The following SYNJ2 variants were observed in gnomAD, a reference collection of about 807,000 sequenced individuals.
SYNJ2 encodes the protein synaptojanin 2, also known as polyphosphatidylinositol phosphatase SYNJ2.
SYNJ2 carries 116 observed loss-of-function variants against 141.3 expected under a neutral mutation model. The ratio of observed to expected loss-of-function variants is 0.82; its 90% CI spans 0.71 to 0.96. The LOEUF is 0.96. Among genes scored for constraint, SYNJ2 ranks in the 40% least tolerant of loss-of-function variants. SYNJ2 has a pLI of 0.00. For missense variants in SYNJ2, 1,873 were observed against 1,934.8 expected (o/e 0.97, Z 0.60); for synonymous variants, 745 against 777.7 (o/e 0.96, Z 0.70).
Position 158,076,626 on chromosome 6 carries a change from A to AT in SYNJ2, c.2298dup (p.Lys767Ter). Reference sequence around the variant, plus strand: ...TGATGACTTCTTTTTCTCCCAATAGATTTTTAAGGACTTTCACGAAGGAGC... The same window carrying AT: ...TGATGACTTCTTTTTCTCCCAATAGATTTTTTAAGGACTTTCACGAAGGAGC... On this transcript the variant is annotated frameshift_variant and splice_region_variant, in exon 17 of 27. Coordinates refer to ENST00000355585, the MANE Select transcript of SYNJ2 (RefSeq NM_003898.4). LOFTEE classifies it high-confidence loss of function. 6.2e-7 allele frequency: 1 copy of AT among 1,611,120 alleles called. No individual in the cohort carries two copies. Among genetic ancestry groups the AT allele is most frequent in the Non-Finnish European group, 8.5e-7 (1 of 1,178,078 alleles).
At chr6:158,092,520 G>C (rs1318026045) in intron 25 of SYNJ2, among the ~76,000 whole-genome samples, 1 of 152,146 alleles carries the variant, frequency 6.6e-6, no homozygotes, top group Non-Finnish European at 1.5e-5. Context: ...CACACCAGTA[G>C]TCCCAGCTAC....
intron 3 of SYNJ2, among the ~76,000 whole-genome samples, chr6:158,032,998 C>T (rs1002769472): frequency 6.6e-6 from 1 of 152,176 alleles, no homozygotes; most frequent in African/African-American, 2.4e-5. Flanking sequence ...TAACTGTTCC[C>T]ATATTTAATA....
intron 4 of SYNJ2, among the ~76,000 whole-genome samples, chr6:158,041,135 T>C (rs1779926529): frequency 1.3e-5 from 2 of 152,120 alleles, no homozygotes; most frequent in Non-Finnish European, 2.9e-5. Context: ...ATGAACTTCA[T>C]GTAGAGAGAG....
Position 157,982,054 on chromosome 6 carries a change from C to T in SYNJ2, c.93C>T (p.Cys31=). The part of the protein sequence containing the change: ...VLLEARGRDD[C]LLFEAGTVAT... ...TGGAGGCGCGCGGCCGCGACGACTG[C>T]CTGCTGTTCGAGGCCGGCACGGTGG... Residue 31 remains cysteine, a synonymous_variant, in exon 1 of 27, where the codon TGC becomes TGT. Transcript: ENST00000355585. The surrounding 1 kb of genome is among the most constrained non-coding windows in gnomAD (Gnocchi z 4.0). 1.5e-6 allele frequency: 2 copies of T among 1,337,580 alleles called. No individual in the cohort carries two copies. Among genetic ancestry groups the T allele is most frequent in the South Asian group, 1.9e-5 (1 of 52,628 alleles). The allele number at this position is 1,337,580 out of a possible 1,614,324, so 82.9% of individuals were successfully genotyped here.
At chr6:158,093,150 A>G (rs1310643348) in intron 26 of SYNJ2, 46 bp downstream of exon 26, 3 of 1,568,492 alleles carry the variant, frequency 1.9e-6, no homozygotes, top group Non-Finnish European at 8.6e-7. Flanking sequence ...AGTTGCTCAC[A>G]TGTCTCGATA....
At chr6:158,022,253 G>C (rs1778816085) in intron 2 of SYNJ2, among the ~76,000 whole-genome samples, 1 of 152,216 alleles carries the variant, frequency 6.6e-6, no homozygotes, top group African/African-American at 2.4e-5. Context: ...AGGATGGCTG[G>C]AGGGACCCCA....
In SYNJ2 at chr6:158,043,287, C is replaced by T; in HGVS notation, c.712-29C>T. Reference sequence around the variant, plus strand: ...GACGTTCGGTTTCATTGAAGAATACCTTTCCCTTTCTGTTTCCTTGTGCCG... The same window carrying T: ...GACGTTCGGTTTCATTGAAGAATACTTTTCCCTTTCTGTTTCCTTGTGCCG... On this transcript the variant is annotated intron_variant, in intron 4 of 26. Coordinates refer to ENST00000355585, the MANE Select transcript of SYNJ2 (RefSeq NM_003898.4). The surrounding 1 kb of genome is among the most constrained non-coding windows in gnomAD (Gnocchi z 4.0). The T allele has an allele frequency of 6.2e-7, 1 of 1,604,364 alleles. No homozygotes were observed. The highest frequency in any genetic ancestry group is 8.5e-7 in the Non-Finnish European group (1 of 1,171,504).
Position 158,031,346 on chromosome 6 carries a change from G to A in SYNJ2, c.486-2109G>A, listed in dbSNP as rs371068210. Among the ~76,000 whole-genome samples, 49 of 152,340 alleles carry A rather than the reference G, an allele frequency of 3.2e-4. No homozygotes were observed. The East Asian group carries it at 4.2e-3, about 13-fold the overall frequency. On this transcript the variant is annotated intron_variant, in intron 3 of 26. Coordinates refer to ENST00000355585, the MANE Select transcript of SYNJ2 (RefSeq NM_003898.4). ...AAGTTCTCTTCCCTATGCCAGCTCT[G>A]TGGCTGGAGGTGTGAGGGGCACTAA...
intron 20 of SYNJ2, among the ~76,000 whole-genome samples, chr6:158,081,788 AT>A (rs1022952201): frequency 2.6e-5 from 4 of 151,680 alleles, no homozygotes; most frequent in Non-Finnish European, 5.9e-5. Context: ...CACCCAGCTA[AT>A]TTTTTTTAAA....
chr6:158,083,717 C>T (rs1782850615), intron 21 of SYNJ2, 120 bp downstream of exon 21: 1 of 1,319,754 alleles, frequency 7.6e-7, no homozygotes, highest in African/African-American at 1.5e-5. Context: ...CAGGGCAAGC[C>T]CTCTGTCCCA....
At position 158,066,654 on chromosome 6, in the gene SYNJ2, G is replaced by A; in HGVS notation, c.1717+19G>A. ...TCCCAGGGTGAGGGCAGTGACTTTG[G>A]GGGAGACAAAATCCAATTGCACCTA... On this transcript the variant is annotated intron_variant, in intron 12 of 26. Transcript: ENST00000355585. 1 of 1,610,938 alleles carries A rather than the reference G, an allele frequency of 6.2e-7. No individual in the cohort carries two copies. The highest frequency in any genetic ancestry group is 8.5e-7 in the Non-Finnish European group (1 of 1,179,388).
chr6:158,094,122 C>T, intron 26 of SYNJ2: 1 of 647,706 alleles, frequency 1.5e-6, no homozygotes, highest in Non-Finnish European at 2.8e-6. Flanking sequence ...CTTGACAGCG[C>T]TTGCTTTGTA....
At chr6:158,077,189 T>TC (rs2128383551) in intron 17 of SYNJ2, among the ~76,000 whole-genome samples, 1 of 152,194 alleles carries the variant, frequency 6.6e-6, no homozygotes, top group African/African-American at 2.4e-5. Context: ...AGACGGGGTT[T>TC]CTCCATGTTG....
chr6:158,078,099 T>A, intron 17 of SYNJ2, 65 bp from the exon 18 acceptor site: 2 of 1,065,234 alleles, frequency 1.9e-6, no homozygotes, highest in Non-Finnish European at 1.4e-6. Context: ...GGAAGTGTCA[T>A]GATCGCATTC....
intron 11 of SYNJ2, 46 bp downstream of exon 11, chr6:158,065,037 C>A: frequency 6.8e-7 from 1 of 1,474,196 alleles, no homozygotes; most frequent in South Asian, 1.4e-5. Flanking sequence ...TAGGGTGCTC[C>A]CCAGCCCCAC....
intron 1 of SYNJ2, among the ~76,000 whole-genome samples, chr6:157,999,229 A>G (rs1583294887): frequency 6.6e-6 from 1 of 152,206 alleles, no homozygotes; most frequent in African/African-American, 2.4e-5. Flanking sequence ...CCATTTGCAC[A>G]TGGTCACTGT....
chr6:158,059,132 C>A, intron 6 of SYNJ2, 125 bp from the exon 7 acceptor site: 2 of 1,012,658 alleles, frequency 2.0e-6, no homozygotes, highest in South Asian at 2.2e-5. Context: ...TGGGGGACAG[C>A]TGGTCCTGGA....
rs778308857 is a variant in SYNJ2, at chr6:158,040,205, T to C, written c.712-3111T>C. ...TTGTATGTGTACAGTGTGTGCGTGG[T>C]ATGTGCATTTATGTGTTGTACATGT... On this transcript the variant is annotated intron_variant, in intron 4 of 26. Transcript: ENST00000355585. This position sits in a 1 kb window ranked among gnomAD's most constrained non-coding sequence, Gnocchi z 4.2. Among the ~76,000 whole-genome samples, 4 of 150,506 alleles carry C rather than the reference T, an allele frequency of 2.7e-5. No individual in the cohort carries two copies. Among genetic ancestry groups the C allele is most frequent in the East Asian group, 1.9e-4 (1 of 5,194 alleles).
chr6:158,038,798 G>A lies in SYNJ2; in HGVS notation c.712-4518G>A, dbSNP rs562785886. 4.6e-5 allele frequency among the ~76,000 whole-genome samples: 7 copies of A among 152,362 alleles called. No individual in the cohort carries two copies. In the South Asian group the frequency reaches 1.5e-3, roughly 32 times the overall value. On this transcript the variant is annotated intron_variant, in intron 4 of 26. Coordinates refer to ENST00000355585, the MANE Select transcript of SYNJ2 (RefSeq NM_003898.4). ...TTCCAGGTGGTACTTCCGATAGGTG[G>A]TGTTCGGCTGGTGACCCCTGCCTGG...
Sources: allele counts gnomAD v4.1 joint callset (sites outside exome capture counted in the v4.1 genomes callset), GRCh38; gene constraint gnomAD v4.1.1; non-coding constraint Gnocchi (gnomAD v3.1); transcripts MANE v1.5; gene names NCBI Gene and HGNC (gene_info 2026-07-23, HGNC 2026-07-21).